PAX2: variants seen among roughly 807,000 people sequenced by gnomAD.
PAX2 encodes paired box protein Pax-2.
Under a neutral mutation model 41.7 loss-of-function variants are expected in PAX2, and 9 were observed. That is an observed-to-expected ratio of 0.22 (90% CI 0.13 to 0.38). PAX2 has a LOEUF of 0.38. Ranked by LOEUF, PAX2 falls within the 10% of genes least tolerant of loss-of-function variation. The pLI, the probability that PAX2 is intolerant of heterozygous loss-of-function variation, is 1.00. For synonymous variants in PAX2, 221 were observed against 212.7 expected, an observed-to-expected ratio of 1.04 and a Z score of -0.34; for missense variants, 418 against 531.6, an observed-to-expected ratio of 0.79 and a Z score of 2.10.
In PAX2 at chr10:100,823,403, C is replaced by T. The variant is rs77577082; in HGVS notation, c.920-1245C>T. 6.2e-3 allele frequency among the ~76,000 whole-genome samples: 944 copies of T among 152,212 alleles called. 13 individuals are homozygous for T. The highest frequency in any genetic ancestry group is 0.022 in the African/African-American group (899 of 41,528). ...GGTAGGGATGAGGAAACTCATACAG[C>T]TCTGGAATGCAGGGAGGTGAGGCCA... On this transcript the variant is annotated intron_variant, in intron 7 of 9. Coordinates refer to ENST00000355243, the MANE Select transcript of PAX2 (RefSeq NM_000278.5).
Position 100,826,871 on chromosome 10 carries a change from C to G in PAX2, c.1022-138C>G. On this transcript the variant is annotated intron_variant, in intron 8 of 9. Coordinates refer to ENST00000355243, the MANE Select transcript of PAX2 (RefSeq NM_000278.5). This position sits in a 1 kb window ranked among gnomAD's most constrained non-coding sequence, Gnocchi z 5.5. ...TCGCCCCACCTCCGCCCGGCCCGCC[C>G]GCCACGGCCATTACCCTGCCCGCGA... The G allele has an allele frequency of 1.5e-6, 1 of 670,522 alleles. No individual in the cohort carries two copies. The highest frequency in any genetic ancestry group is 2.7e-6 in the Non-Finnish European group (1 of 373,366). 41.5% of individuals were successfully genotyped at this position (670,522 alleles called of 1,614,324 possible).
chr10:100,772,268 C>A (rs1379354126), intron 3 of PAX2, among the ~76,000 whole-genome samples: 1 of 152,122 alleles, frequency 6.6e-6, no homozygotes, highest in Admixed American at 6.5e-5. Context: ...ATTCTCCCAC[C>A]TCAGCCTCCC....
At chr10:100,738,457 C>T (rs1460095370) in intron 1 of PAX2, among the ~76,000 whole-genome samples, 4 of 152,198 alleles carry the variant, frequency 2.6e-5, no homozygotes, top group Non-Finnish European at 5.9e-5. Context: ...AGCTGTCTGC[C>T]TATACTACCT....
In PAX2 at chr10:100,750,094, G is replaced by C. The variant is rs572326872; in HGVS notation, c.212+180G>C. Among the ~76,000 whole-genome samples, 1 of 152,252 alleles carries C rather than the reference G, an allele frequency of 6.6e-6. No individual in the cohort carries two copies. The highest frequency in any genetic ancestry group is 1.5e-5 in the Non-Finnish European group (1 of 68,046). ...GTTCAGATGGTGGCTGAAGACCCAGGAGCGAGGGTGGCGCAGTGTCACCCA... is the reference window on the plus strand; with the variant it reads ...GTTCAGATGGTGGCTGAAGACCCAGCAGCGAGGGTGGCGCAGTGTCACCCA... On this transcript the variant is annotated intron_variant, in intron 2 of 9. Transcript: ENST00000355243. This position sits in a 1 kb window ranked among gnomAD's most constrained non-coding sequence, Gnocchi z 4.1.
chr10:100,783,436 G>A (rs150646678), intron 5 of PAX2, among the ~76,000 whole-genome samples: 1,844 of 152,318 alleles, frequency 0.012, 24 homozygotes, highest in Non-Finnish European at 0.017. Context: ...GCTCTTTGAG[G>A]AGGGGCCTGA....
intron 4 of PAX2, among the ~76,000 whole-genome samples, chr10:100,780,658 T>TGA: frequency 6.6e-6 from 1 of 152,078 alleles, no homozygotes; most frequent in East Asian, 1.9e-4. Flanking sequence ...CAAAAGCAGC[T>TGA]GAGAGAGAGA....
At position 100,826,978 on chromosome 10, in the gene PAX2, G is replaced by T; in HGVS notation, c.1022-31G>T. 8 of 1,529,860 alleles carry T rather than the reference G, an allele frequency of 5.2e-6. 1 individual carries two copies. The highest frequency in any genetic ancestry group is 2.2e-5 in the South Asian group (2 of 89,352). 94.8% of individuals were successfully genotyped at this position (1,529,860 alleles called of 1,614,324 possible). A position where few individuals can be genotyped will look rare whatever the true frequency, so the allele number is the denominator to read the frequency against. On this transcript the variant is annotated intron_variant, in intron 8 of 9. Coordinates refer to ENST00000355243, the MANE Select transcript of PAX2 (RefSeq NM_000278.5). This position sits in a 1 kb window ranked among gnomAD's most constrained non-coding sequence, Gnocchi z 5.5. ...GTGGGGTCCGCCCTGGCTTGCAGGC[G>T]TCTGATCCCCACTCCCCGACCCTCC...
At chr10:100,768,412 C>T (rs1234853975) in intron 3 of PAX2, among the ~76,000 whole-genome samples, 1 of 152,154 alleles carries the variant, frequency 6.6e-6, no homozygotes, top group Non-Finnish European at 1.5e-5. Context: ...GCCCCCCAAA[C>T]CTACCAGTGC....
At chr10:100,815,693 T>G (rs1255036712) in intron 7 of PAX2, among the ~76,000 whole-genome samples, 3 of 152,178 alleles carry the variant, frequency 2.0e-5, no homozygotes, top group African/African-American at 7.2e-5. Context: ...CTTTATCCAG[T>G]CCACTGATAG....
chr10:100,797,221 A>T (rs1321463011), intron 5 of PAX2, among the ~76,000 whole-genome samples: 1 of 152,258 alleles, frequency 6.6e-6, no homozygotes, highest in Non-Finnish European at 1.5e-5. Flanking sequence ...AGGAGAAAAC[A>T]AACATTAAAT....
At chr10:100,804,271 T>TATAC (rs1554864112) in intron 5 of PAX2, among the ~76,000 whole-genome samples, 1 of 147,766 alleles carries the variant, frequency 6.8e-6, no homozygotes, top group East Asian at 2.0e-4. Flanking sequence ...GTTCAGCCCC[T>TATAC]ACACACACAC....
intron 5 of PAX2, among the ~76,000 whole-genome samples, chr10:100,785,326 G>T (rs1846803039): frequency 6.6e-6 from 1 of 152,224 alleles, no homozygotes; most frequent in Non-Finnish European, 1.5e-5. Context: ...ACTTGTCCAA[G>T]AATCCAAATG....
At position 100,827,163 on chromosome 10, in the gene PAX2, C is replaced by T. The variant is rs7086184; in HGVS notation, c.1108+68C>T. The T allele has an allele frequency of 1.5e-6, 2 of 1,298,860 alleles. No individual in the cohort carries two copies. Among genetic ancestry groups the T allele is most frequent in the East Asian group, 4.7e-5 (2 of 42,278 alleles). The allele number at this position is 1,298,860 out of a possible 1,614,324, so 80.5% of individuals were successfully genotyped here. On this transcript the variant is annotated intron_variant, in intron 9 of 9. Coordinates refer to ENST00000355243, the MANE Select transcript of PAX2 (RefSeq NM_000278.5). The surrounding 1 kb of genome is among the most constrained non-coding windows in gnomAD (Gnocchi z 8.5). The stretch of plus-strand genomic sequence containing the variant: ...GCGGCTTCTGGGCACGGTCCCACTC[C>T]CGGCGACCCGACCTCTGGGGACCCG...
chr10:100,781,486 C>G (rs1200768776), intron 5 of PAX2, 121 bp downstream of exon 5: 2 of 1,048,884 alleles, frequency 1.9e-6, no homozygotes, highest in Non-Finnish European at 3.0e-6. Context: ...TAGCAAAGCC[C>G]AGGTCCCCCC....
At chr10:100,806,394 T>C in intron 5 of PAX2, 36 bp from the exon 6 acceptor site, 1 of 1,610,722 alleles carries the variant, frequency 6.2e-7, no homozygotes. Context: ...TCTGCTGGCC[T>C]GGCGCTAACG....
intron 3 of PAX2, among the ~76,000 whole-genome samples, chr10:100,763,603 C>T (rs964594297): frequency 1.3e-5 from 2 of 152,122 alleles, no homozygotes; most frequent in Non-Finnish European, 2.9e-5. Context: ...ATCACTTTGT[C>T]CAAATAAGCT....
Position 100,746,121 on chromosome 10 carries a change from C to T in PAX2, c.-140C>T. 3 of 1,549,620 alleles carry T rather than the reference C, an allele frequency of 1.9e-6. No individual in the cohort carries two copies. The highest frequency in any genetic ancestry group is 2.6e-6 in the Non-Finnish European group (3 of 1,150,854). ...GGAGCGCAGTGCTGCGCCCCCCGCC[C>T]CCGCGCGCCCCGCAGCAGCCGGGCG... On this transcript the variant is annotated 5_prime_UTR_variant, in exon 1 of 10. Coordinates refer to ENST00000355243, the MANE Select transcript of PAX2 (RefSeq NM_000278.5).
At chr10:100,769,676 AT>A (rs1335683268) in intron 3 of PAX2, among the ~76,000 whole-genome samples, 1 of 145,158 alleles carries the variant, frequency 6.9e-6, no homozygotes, top group Non-Finnish European at 1.5e-5. Context: ...AAATAAAAAA[AT>A]AAAAAACAAA....
chr10:100,778,416 C>A (rs1335404444), intron 3 of PAX2, among the ~76,000 whole-genome samples: 1 of 152,200 alleles, frequency 6.6e-6, no homozygotes, highest in Non-Finnish European at 1.5e-5. Flanking sequence ...GTCTCCCCTC[C>A]CCACCTTCAT....
Sources: allele counts gnomAD v4.1 joint callset (sites outside exome capture counted in the v4.1 genomes callset), GRCh38; gene constraint gnomAD v4.1.1; non-coding constraint Gnocchi (gnomAD v3.1); transcripts MANE v1.5; gene names NCBI Gene and HGNC (gene_info 2026-07-23, HGNC 2026-07-21).